Variants in TSC1 observed in about 807,000 individuals in gnomAD.
The protein encoded by TSC1 is hamartin.
Under a neutral mutation model 124.3 loss-of-function variants are expected in TSC1, and 20 were observed. The observed-to-expected ratio is 0.16, with a 90% confidence interval of 0.11 to 0.23. TSC1 has a LOEUF of 0.23. Among genes scored for constraint, TSC1 ranks in the 10% least tolerant of loss-of-function variants. The probability of loss-of-function intolerance (pLI) is 1.00; values close to 1 mark genes in which losing one functional copy is unlikely to be tolerated. For missense variants in TSC1, 1,124 were observed against 1,448.5 expected (o/e 0.78, Z 3.64); for synonymous variants, 493 against 539.1 (o/e 0.91, Z 1.19).
In TSC1 at chr9:132,921,963, C is replaced by T. The variant is rs768999400; in HGVS notation, c.519G>A (p.Ala173=). Residue 173 remains alanine (A), a synonymous_variant, in exon 7 of 23, where the codon GCG becomes GCA. Transcript: ENST00000298552. The surrounding 1 kb of genome is among the most constrained non-coding windows in gnomAD (Gnocchi z 4.3). The part of the protein sequence containing the change: ...SWCLKKPGHV[A]EVYLVHLHAS... ...CATGGAGATGGACGAGATAGACTTCCGCCACGTGGCCTAGAAAAGGAACCC... is the reference window on the plus strand; with the variant it reads ...CATGGAGATGGACGAGATAGACTTCTGCCACGTGGCCTAGAAAAGGAACCC... The T allele has an allele frequency of 1.1e-5, 18 of 1,613,930 alleles. No homozygotes were observed. The highest frequency in any genetic ancestry group is 6.7e-5 in the East Asian group (3 of 44,894).
rs757876250 is a variant in TSC1 at position 132,900,701 on chromosome 9, G to C, written c.2625+14C>G. 2 of 1,613,810 alleles carry C rather than the reference G, an allele frequency of 1.2e-6. No individual in the cohort carries two copies. Among genetic ancestry groups the C allele is most frequent in the Non-Finnish European group, 1.7e-6 (2 of 1,179,864 alleles). ...CTTTCCCCACTAAGGTCTGGCTCCCGAGCCCTGGCATACCTTTGTGGTATC... is the reference window on the plus strand; with the variant it reads ...CTTTCCCCACTAAGGTCTGGCTCCCCAGCCCTGGCATACCTTTGTGGTATC... On this transcript the variant is annotated intron_variant, in intron 20 of 22. Coordinates refer to ENST00000298552, the MANE Select transcript of TSC1 (RefSeq NM_000368.5).
rs556331703 is a variant in TSC1, at chr9:132,910,764, C to A, written c.1142-72G>T. The A allele has an allele frequency of 3.3e-5, 53 of 1,599,216 alleles. 1 individual carries two copies. In the South Asian group the frequency reaches 5.5e-4, roughly 17 times the overall value. On this transcript the variant is annotated intron_variant, in intron 11 of 22. Coordinates refer to ENST00000298552, the MANE Select transcript of TSC1 (RefSeq NM_000368.5). ...AGAAAAACTGCCGATTTTTTTTCAG[C>A]CTATAACTATTACTATAAATAAAGC...
chr9:132,923,017 T>C lies in TSC1; in HGVS notation c.508+331A>G, dbSNP rs1343351343. Among the ~76,000 whole-genome samples the C allele has an allele frequency of 2.0e-5, 3 of 152,218 alleles. No individual in the cohort carries two copies. Among genetic ancestry groups the C allele is most frequent in the African/African-American group, 7.2e-5 (3 of 41,452 alleles). The stretch of plus-strand genomic sequence containing the variant: ...ACAGAGCAGCCAAGGAAGACAGAAA[T>C]GTCCCACAAGCTTAGTCCTGTACTG... On this transcript the variant is annotated intron_variant, in intron 6 of 22. Transcript: ENST00000298552. This position sits in a 1 kb window ranked among gnomAD's most constrained non-coding sequence, Gnocchi z 4.2.
rs80258442 is a variant in TSC1 at position 132,928,752 on chromosome 9, T to C, written c.106+15A>G. On this transcript the variant is annotated intron_variant, in intron 3 of 22. Transcript: ENST00000298552. ...TTTCTAGAAGATAAGCTAAAAAGGA[T>C]ATTATTTTGCTAACCAGAATTGAGG... 2.3e-3 allele frequency: 3,771 copies of C among 1,613,860 alleles called. 129 individuals carry two copies. In the East Asian group the frequency reaches 0.074, roughly 32 times the overall value.
intron 4 of TSC1, chr9:132,926,027 T>C: frequency 2.3e-6 from 1 of 441,450 alleles, no homozygotes; most frequent in South Asian, 2.2e-5. Context: ...TAACCAACAG[T>C]CCCAAACTGT....
intron 12 of TSC1, among the ~76,000 whole-genome samples, chr9:132,908,981 T>C (rs979281585): frequency 2.7e-5 from 4 of 150,660 alleles, no homozygotes; most frequent in South Asian, 2.1e-4. Context: ...CTCGACTTAC[T>C]GCAACCTCCG....
intron 8 of TSC1, among the ~76,000 whole-genome samples, chr9:132,913,453 G>A (rs1247553145): frequency 1.3e-5 from 2 of 152,076 alleles, no homozygotes; most frequent in African/African-American, 2.4e-5. Flanking sequence ...TGTAATAATA[G>A]TTATTCTATA....
intron 3 of TSC1, among the ~76,000 whole-genome samples, chr9:132,927,559 T>C (rs2132276930): frequency 2.2e-5 from 3 of 135,164 alleles, no homozygotes; most frequent in Middle Eastern, 8.0e-3. Context: ...AGTCTCACTC[T>C]GTTGCCAGGC....
intron 3 of TSC1, among the ~76,000 whole-genome samples, chr9:132,928,555 C>T (rs939643872): frequency 8.5e-5 from 13 of 152,132 alleles, no homozygotes; most frequent in African/African-American, 3.1e-4. Flanking sequence ...AAACTGGATT[C>T]ATGGGGTTCA....
intron 3 of TSC1, among the ~76,000 whole-genome samples, chr9:132,928,029 CCACAGA>C (rs375792406): frequency 2.4e-4 from 37 of 152,254 alleles, no homozygotes; most frequent in African/African-American, 8.4e-4. Context: ...GCCCTCATGT[CCACAGA>C]CACAGACACA....
At chr9:132,941,231 AG>A (rs1208985786) in intron 1 of TSC1, 1 of 152,256 alleles carries the variant, frequency 6.6e-6, no homozygotes, top group African/African-American at 2.4e-5. Flanking sequence ...AATAAAAGTT[AG>A]CACTGAACGA....
intron 4 of TSC1, chr9:132,926,104 C>A: frequency 3.2e-6 from 1 of 315,048 alleles, no homozygotes; most frequent in South Asian, 3.1e-5. Flanking sequence ...GCAACCCAGC[C>A]TACATGGTTT....
rs762233181 is a variant in TSC1 at position 132,928,831 on chromosome 9, C to T, written c.42G>A (p.Leu14=). Residue 14 remains leucine (L), a synonymous_variant, in exon 3 of 23, where the codon CTG becomes CTA. Transcript: ENST00000298552. Reference sequence around the variant, plus strand: ...CCCGCACACCCAGCATGGGGGAGTCCAGCATGGCAAGAAGCTCCCCGACAT... The same window carrying T: ...CCCGCACACCCAGCATGGGGGAGTCTAGCATGGCAAGAAGCTCCCCGACAT... ...QANVGELLAM[L]DSPMLGVRDD... 6.2e-7 allele frequency: 1 copy of T among 1,614,190 alleles called. No individual in the cohort carries two copies. Among genetic ancestry groups the T allele is most frequent in the South Asian group, 1.1e-5 (1 of 91,082 alleles).
intron 1 of TSC1, chr9:132,942,031 C>T (rs986182268): frequency 6.6e-6 from 1 of 152,100 alleles, no homozygotes; most frequent in African/African-American, 2.4e-5. Context: ...CAAGAATATC[C>T]AATTAATTCC....
In TSC1 at chr9:132,905,979, A is replaced by C; in HGVS notation, c.1599T>G (p.Pro533=). ...TGTCCAGGGAGGAGTGTAAAGGCTC[A>C]GGGTTCACGCTGGCGCCCTGAGAAC... ...ASSSQGASVN[P]EPLHSSLDKL... The change falls in exon 15 of 23, where the codon CCT becomes CCG. Residue 533 remains proline (P), a synonymous_variant. Coordinates refer to ENST00000298552, the MANE Select transcript of TSC1 (RefSeq NM_000368.5). 1.2e-6 allele frequency: 2 copies of C among 1,613,994 alleles called. No homozygotes were observed. Among genetic ancestry groups the C allele is most frequent in the South Asian group, 1.1e-5 (1 of 91,070 alleles).
rs1442514678 is a variant in TSC1, at chr9:132,896,477, T to C, written c.3253A>G (p.Lys1085Glu). 6 of 1,614,108 alleles carry C rather than the reference T, an allele frequency of 3.7e-6. No homozygotes were observed. The highest frequency in any genetic ancestry group is 2.2e-5 in the East Asian group (1 of 44,898). Residue 1085 changes from lysine to glutamate, a missense_variant, in exon 23 of 23, where the codon AAA (lysine) becomes GAA (glutamate). Coordinates refer to ENST00000298552, the MANE Select transcript of TSC1 (RefSeq NM_000368.5). The surrounding 1 kb of genome is among the most constrained non-coding windows in gnomAD (Gnocchi z 4.5). ...PTTVGSLPSSKSFLGMKAREL... is the reference protein window; with the variant it reads ...PTTVGSLPSSESFLGMKAREL... ...CGAGCCTTCATACCCAGGAAGCTTT[T>C]TGAACTGGGAAGTGAGCCCACAGTG...
rs118203699 is a variant in TSC1 at position 132,901,606 on chromosome 9, T to G, written c.2485A>C (p.Ser829Arg). The change falls in exon 19 of 23, where the codon AGT becomes CGT. Residue 829 changes from serine to arginine, a missense_variant. Coordinates refer to ENST00000298552, the MANE Select transcript of TSC1 (RefSeq NM_000368.5). ...NKVCHTELLL[S>R]QVSQKLSNSE... The stretch of plus-strand genomic sequence containing the variant: ...CTTCTTACCTTTTGGGAAACCTGAC[T>G]GAGCAGCAGCTCAGTGTGACACACC... 8.2e-5 allele frequency: 133 copies of G among 1,614,140 alleles called. No homozygotes were observed. The East Asian group carries it at 2.9e-3, about 35-fold the overall frequency.
In TSC1 at chr9:132,903,774, C is replaced by T. The variant is rs767518902; in HGVS notation, c.2085G>A (p.Leu695=). 20 of 1,613,970 alleles carry T rather than the reference C, an allele frequency of 1.2e-5. No homozygotes were observed. Among genetic ancestry groups the T allele is most frequent in the Non-Finnish European group, 1.2e-5 (14 of 1,180,044 alleles). Residue 695 remains leucine, a synonymous_variant, in exon 17 of 23, where the codon TTG becomes TTA. Coordinates refer to ENST00000298552, the MANE Select transcript of TSC1 (RefSeq NM_000368.5). This position sits in a 1 kb window ranked among gnomAD's most constrained non-coding sequence, Gnocchi z 5.9. ...SDEIRTLRDQ[L]LLLHNQLLYE... The stretch of plus-strand genomic sequence containing the variant: ...AGAGTAACTGGTTGTGCAGTAAAAG[C>T]AACTGGTCTCGGAGGGTGCGGATCT...
At chr9:132,909,259 T>C (rs1247898575) in intron 12 of TSC1, among the ~76,000 whole-genome samples, 5 of 152,324 alleles carry the variant, frequency 3.3e-5, no homozygotes, top group East Asian at 3.9e-4. Context: ...GTATCATACA[T>C]TGGACACTCT....
Sources: gnomAD v4.1 joint callset for allele counts (sites outside exome capture counted in the v4.1 genomes callset) on GRCh38, gnomAD v4.1.1 for gene constraint, Gnocchi (gnomAD v3.1) non-coding constraint, MANE v1.5 for transcripts, NCBI Gene and HGNC (gene_info 2026-07-23, HGNC 2026-07-21) for gene names.